The following PTPRT variants were observed in gnomAD, a reference collection of about 807,000 sequenced individuals.
The protein encoded by PTPRT is protein tyrosine phosphatase receptor type T.
PTPRT carries 56 observed loss-of-function variants against 176.8 expected under a neutral mutation model. That is an observed-to-expected ratio of 0.32 (90% CI 0.26 to 0.40). The LOEUF is 0.40. Among genes scored for constraint, PTPRT ranks in the 10% least tolerant of loss-of-function variants. PTPRT has a pLI of 1.00. For missense variants in PTPRT, 1,540 were observed against 1,908.2 expected (o/e 0.81, Z 3.60); for synonymous variants, 783 against 739.0 (o/e 1.06, Z -0.96).
At chr20:42,056,796 C>A in the PTPRT span, among the ~76,000 whole-genome samples, 1 of 152,198 alleles carries the variant, frequency 6.6e-6, no homozygotes, top group Admixed American at 6.5e-5. Flanking sequence ...TAAGCATAAT[C>A]TGGGGCTGTC....
intron 9 of PTPRT, among the ~76,000 whole-genome samples, chr20:42,368,856 C>T (rs1010667596): frequency 6.6e-6 from 1 of 152,136 alleles, no homozygotes; most frequent in South Asian, 2.1e-4. Flanking sequence ...CTTGCCTTAT[C>T]GCTGTCTCAC....
At chr20:43,146,652 G>T (rs1305659657) in intron 1 of PTPRT, among the ~76,000 whole-genome samples, 1 of 152,106 alleles carries the variant, frequency 6.6e-6, no homozygotes, top group Non-Finnish European at 1.5e-5. Context: ...GACTGTCTGG[G>T]GGTACTGAGC....
intron 9 of PTPRT, among the ~76,000 whole-genome samples, chr20:42,446,580 A>ATGTGTG (rs372328206): frequency 0.011 from 1,583 of 139,520 alleles, 20 homozygotes; most frequent in African/African-American, 0.03. Context: ...TTTCATGTAA[A>ATGTGTG]TGTGTGTGTG....
chr20:43,048,012 T>C (rs1019804630), intron 1 of PTPRT, among the ~76,000 whole-genome samples: 2 of 152,040 alleles, frequency 1.3e-5, no homozygotes, highest in Non-Finnish European at 2.9e-5. Context: ...ACCTTAGCAG[T>C]GGGCAAAACA....
At chr20:42,471,662 G>GT (rs1010282402) in intron 8 of PTPRT, among the ~76,000 whole-genome samples, 120 of 151,808 alleles carry the variant, frequency 7.9e-4, no homozygotes, top group African/African-American at 2.7e-3. Context: ...GTTTTGTTTT[G>GT]TTTTTTTGGT....
chr20:42,227,369 G>A (rs1341699061), intron 15 of PTPRT, among the ~76,000 whole-genome samples: 2 of 152,042 alleles, frequency 1.3e-5, no homozygotes, highest in African/African-American at 4.8e-5. Context: ...TTTGAGTGAG[G>A]CGGCTCCAAA....
In PTPRT at chr20:42,389,367, C is replaced by T. The variant is rs562025412; in HGVS notation, c.1561-37082G>A. 2.6e-5 allele frequency among the ~76,000 whole-genome samples: 4 copies of T among 151,978 alleles called. 1 individual carries two copies. The South Asian group carries it at 8.3e-4, about 32-fold the overall frequency. On this transcript the variant is annotated intron_variant, in intron 9 of 30. Coordinates refer to ENST00000373187, the MANE Select transcript of PTPRT (RefSeq NM_007050.6). ...TGTTTTCACAGCAAACTAAATTCTT[C>T]TTTCACAGCACACATCACATGTTGA...
At chr20:42,056,814 A>G in the PTPRT span, among the ~76,000 whole-genome samples, 16 of 152,346 alleles carry the variant, frequency 1.1e-4, no homozygotes, top group African/African-American at 2.9e-4. Context: ...GTCTTAGGCA[A>G]ACTAAGAAAT....
chr20:42,768,556 ATC>A (rs1415385129), intron 5 of PTPRT, among the ~76,000 whole-genome samples: 2 of 152,224 alleles, frequency 1.3e-5, no homozygotes, highest in Non-Finnish European at 2.9e-5. Flanking sequence ...TGAACTGTGT[ATC>A]TGACAAGTTT....
intron 6 of PTPRT, among the ~76,000 whole-genome samples, chr20:42,722,974 ACTTGAGTACAAATCCTGCTT>A (rs1384503276): frequency 2.0e-5 from 3 of 152,176 alleles, no homozygotes; most frequent in Admixed American, 6.5e-5. Context: ...GACTCAGATG[ACTTGAGTACAAATCCTGCTT>A]CTGATACTGA....
rs1340483184 is a variant in PTPRT, at chr20:42,075,357, T to C, written c.*5522A>G. On this transcript the variant is annotated 3_prime_UTR_variant, in exon 31 of 31. Transcript: ENST00000373187. ...CTTCTAACCTACCCTCCAGTTGGGTTGACCATTTTTTTCCCTGGGGATCCT... is the reference window on the plus strand; with the variant it reads ...CTTCTAACCTACCCTCCAGTTGGGTCGACCATTTTTTTCCCTGGGGATCCT... 4.4e-6 allele frequency: 1 copy of C among 229,652 alleles called. No individual in the cohort carries two copies. The highest frequency in any genetic ancestry group is 8.6e-6 in the Non-Finnish European group (1 of 115,830). 14.2% of individuals were successfully genotyped at this position (229,652 alleles called of 1,614,324 possible). A position where few individuals can be genotyped will look rare whatever the true frequency, so the allele number is the denominator to read the frequency against.
chr20:42,321,912 A>G (rs1449032550), intron 11 of PTPRT, among the ~76,000 whole-genome samples: 2 of 152,180 alleles, frequency 1.3e-5, no homozygotes, highest in Non-Finnish European at 2.9e-5. Context: ...TCTACTAAAA[A>G]TACAAAAAAA....
intron 7 of PTPRT, among the ~76,000 whole-genome samples, chr20:42,583,608 C>CCA (rs200911234): frequency 6.6e-6 from 1 of 151,892 alleles, no homozygotes; most frequent in Non-Finnish European, 1.5e-5. Flanking sequence ...ATGCACTCCC[C>CCA]CACACACACA....
At chr20:42,356,484 C>T (rs1449202122) in intron 9 of PTPRT, among the ~76,000 whole-genome samples, 18 of 151,898 alleles carry the variant, frequency 1.2e-4, no homozygotes, top group East Asian at 1.9e-4. Flanking sequence ...CACCTGAGGT[C>T]GGGAGTTCGA....
intron 4 of PTPRT, among the ~76,000 whole-genome samples, chr20:42,776,407 G>A (rs2077136022): frequency 6.6e-6 from 1 of 152,106 alleles, no homozygotes; most frequent in Admixed American, 6.5e-5. Context: ...AATCCAATCT[G>A]ACCAGTATTC....
At chr20:42,661,240 G>A (rs1211058095) in intron 7 of PTPRT, among the ~76,000 whole-genome samples, 2 of 152,126 alleles carry the variant, frequency 1.3e-5, no homozygotes, top group African/African-American at 4.8e-5. Flanking sequence ...AAAGGGACAT[G>A]TAAAGGGCAA....
intron 30 of PTPRT, 91 bp downstream of exon 30, chr20:42,081,791 G>A: frequency 4.0e-6 from 6 of 1,482,444 alleles, no homozygotes; most frequent in African/African-American, 1.4e-5. Context: ...GCAGCCAGGT[G>A]TTGAGTGATG....
intron 14 of PTPRT, among the ~76,000 whole-genome samples, chr20:42,244,734 T>C (rs1246453393): frequency 1.3e-5 from 2 of 152,230 alleles, no homozygotes; most frequent in Admixed American, 1.3e-4. Context: ...CGCATACATA[T>C]AATTTCACGC....
chr20:42,681,914 T>A (rs2075610453), intron 6 of PTPRT, among the ~76,000 whole-genome samples: 1 of 152,076 alleles, frequency 6.6e-6, no homozygotes, highest in Admixed American at 6.5e-5. Context: ...TCAAAAAAAT[T>A]CATGCAAAAG....
Sources: allele counts gnomAD v4.1 joint callset (sites outside exome capture counted in the v4.1 genomes callset), GRCh38; gene constraint gnomAD v4.1.1; transcripts MANE v1.5; gene names NCBI Gene and HGNC (gene_info 2026-07-23, HGNC 2026-07-21).